FLRT1: variants seen among roughly 807,000 people sequenced by gnomAD.
FLRT1 encodes fibronectin leucine rich transmembrane protein 1, also known as leucine-rich repeat transmembrane protein FLRT1.
In FLRT1, 14 loss-of-function variants were observed where a neutral mutation model predicts 30.9. The observed-to-expected ratio is 0.45, with a 90% CI of 0.30 to 0.71. The LOEUF (loss-of-function observed/expected upper bound fraction) is 0.71. Ranked by LOEUF, FLRT1 falls within the 30% of genes least tolerant of loss-of-function variation. FLRT1 has a pLI of 0.08. For missense variants in FLRT1, 737 were observed against 949.2 expected (o/e 0.78, Z 2.94); for synonymous variants, 368 against 430.4 (o/e 0.85, Z 1.80).
chr11:64,065,281 G>C (rs1943976270), intron 1 of FLRT1, among the ~76,000 whole-genome samples: 1 of 152,168 alleles, frequency 6.6e-6, no homozygotes, highest in Admixed American at 6.5e-5. Context: ...GCAGGATCGG[G>C]CAGGTGGCGG....
intron 2 of FLRT1, among the ~76,000 whole-genome samples, chr11:64,108,340 C>G (rs1337162803): frequency 6.6e-6 from 1 of 151,936 alleles, no homozygotes; most frequent in South Asian, 2.1e-4. Context: ...GACTTGAGAC[C>G]CAGGGCCACC....
At chr11:64,074,743 G>A (rs1357710986) in intron 1 of FLRT1, among the ~76,000 whole-genome samples, 2 of 152,162 alleles carry the variant, frequency 1.3e-5, no homozygotes, top group Non-Finnish European at 2.9e-5. Context: ...AGAGGCCCAG[G>A]GGTGACCAGG....
intron 1 of FLRT1, among the ~76,000 whole-genome samples, chr11:64,068,261 T>C (rs1429047395): frequency 1.3e-5 from 2 of 152,208 alleles, no homozygotes; most frequent in Admixed American, 1.3e-4. Context: ...GTCCCAGGCA[T>C]TGGGGAGCTG....
chr11:64,104,811 A>G (rs1319324573), intron 2 of FLRT1, among the ~76,000 whole-genome samples: 1 of 152,154 alleles, frequency 6.6e-6, no homozygotes, highest in Non-Finnish European at 1.5e-5. Context: ...AGAGTGCCCC[A>G]AGGGTCACAC....
rs1461312425 is a variant in FLRT1, at chr11:64,082,102, T to G, written c.-1037-21092T>G. On this transcript the variant is annotated intron_variant, in intron 1 of 2. Coordinates refer to ENST00000682287, the MANE Select transcript of FLRT1 (RefSeq NM_013280.5). This position sits in a 1 kb window ranked among gnomAD's most constrained non-coding sequence, Gnocchi z 4.5. ...GGGCCGTGGCGAGAACAGATGGGGCTGTGCCCATCTCCCCAGGCCCTCCTG... is the reference window on the plus strand; with the variant it reads ...GGGCCGTGGCGAGAACAGATGGGGCGGTGCCCATCTCCCCAGGCCCTCCTG... 6.6e-6 allele frequency: 1 copy of G among 152,080 alleles called. No individual in the cohort carries two copies. The highest frequency in any genetic ancestry group is 1.5e-5 in the Non-Finnish European group (1 of 68,050). The allele number at this position is 152,080 out of a possible 1,614,324, so 9.4% of individuals were successfully genotyped here.
rs773354612 is a variant in FLRT1, at chr11:64,117,695, C to T, written c.1428C>T (p.Ala476=). Residue 476 remains alanine (A), a synonymous_variant, in exon 3 of 3, where the codon GCC becomes GCT. Transcript: ENST00000682287. ...LSWLRLGHSP[A]VGSITETLVQ... ...GGCTGCGCCTGGGCCACAGCCCAGC[C>T]GTGGGCTCCATCACGGAGACCTTGG... 1.2e-5 allele frequency: 20 copies of T among 1,613,598 alleles called. No homozygotes were observed. Among genetic ancestry groups the T allele is most frequent in the South Asian group, 4.4e-5 (4 of 91,042 alleles).
At chr11:64,054,075 A>T (rs1165154604) in intron 1 of FLRT1, among the ~76,000 whole-genome samples, 1 of 151,976 alleles carries the variant, frequency 6.6e-6, no homozygotes, top group African/African-American at 2.4e-5. Context: ...TGTCACCTCC[A>T]CCTGCGAATG....
chr11:64,061,547 C>G (rs1188845971), intron 1 of FLRT1, among the ~76,000 whole-genome samples: 1 of 152,232 alleles, frequency 6.6e-6, no homozygotes, highest in African/African-American at 2.4e-5. Flanking sequence ...GTTCACCATT[C>G]AGGGTTCTGA....
intron 1 of FLRT1, among the ~76,000 whole-genome samples, chr11:64,045,087 A>G (rs1198607987): frequency 6.6e-6 from 1 of 152,018 alleles, no homozygotes; most frequent in African/African-American, 2.4e-5. Context: ...GCTGAGGGGG[A>G]GCAGTCCGGG....
intron 1 of FLRT1, among the ~76,000 whole-genome samples, chr11:64,085,610 G>A (rs140121280): frequency 7.9e-5 from 12 of 152,332 alleles, no homozygotes; most frequent in Non-Finnish European, 1.6e-4. Context: ...CCAGCACAGC[G>A]ACAGCCTTGT....
chr11:64,072,263 A>G lies in FLRT1; in HGVS notation c.-1037-30931A>G, dbSNP rs1007299104. ...CTGCACCCAACCCACAGATGGGTAC[A>G]GGGGTGATGCCGGCCCTGGAGAGCC... On this transcript the variant is annotated intron_variant, in intron 1 of 2. Coordinates refer to ENST00000682287, the MANE Select transcript of FLRT1 (RefSeq NM_013280.5). Among the ~76,000 whole-genome samples, 5 of 152,122 alleles carry G rather than the reference A, an allele frequency of 3.3e-5. No individual in the cohort carries two copies. In the South Asian group the frequency reaches 1.0e-3, roughly 32 times the overall value.
At chr11:64,052,751 G>A (rs1938436026) in intron 1 of FLRT1, among the ~76,000 whole-genome samples, 5 of 152,238 alleles carry the variant, frequency 3.3e-5, no homozygotes. Flanking sequence ...GGGTGGAGTT[G>A]TGATGTAAAC....
chr11:64,100,938 T>C (rs1347337471), intron 1 of FLRT1, among the ~76,000 whole-genome samples: 4 of 152,100 alleles, frequency 2.6e-5, no homozygotes, highest in African/African-American at 7.2e-5. Flanking sequence ...CTTAGTGCCT[T>C]GGTTTTCTAA....
At chr11:64,069,358 T>C (rs1270462490) in intron 1 of FLRT1, among the ~76,000 whole-genome samples, 1 of 152,116 alleles carries the variant, frequency 6.6e-6, no homozygotes, top group Admixed American at 6.5e-5. Context: ...TGCCAGAGGA[T>C]GGGGGTCTCT....
Position 64,116,282 on chromosome 11 carries a change from C to T in FLRT1, c.15C>T (p.His5=). 1 of 1,598,196 alleles carries T rather than the reference C, an allele frequency of 6.3e-7. No individual in the cohort carries two copies. The change falls in exon 3 of 3, where the codon CAC becomes CAT. Residue 5 remains histidine, a synonymous_variant. Coordinates refer to ENST00000682287, the MANE Select transcript of FLRT1 (RefSeq NM_013280.5). The part of the protein sequence containing the change: MVVA[H]PTATATTTPT... Reference sequence around the variant, plus strand: ...AGCCATCCACCATGGTGGTGGCACACCCCACCGCCACTGCCACCACCACGC... The same window carrying T: ...AGCCATCCACCATGGTGGTGGCACATCCCACCGCCACTGCCACCACCACGC...
chr11:64,058,845 G>A (rs2000515), intron 1 of FLRT1, among the ~76,000 whole-genome samples: 3 of 152,148 alleles, frequency 2.0e-5, no homozygotes, highest in Admixed American at 6.5e-5. Flanking sequence ...CCGGCAAGGG[G>A]GGGTAGGACC....
chr11:64,086,684 G>C (rs141117055), intron 1 of FLRT1, among the ~76,000 whole-genome samples: 3 of 152,166 alleles, frequency 2.0e-5, no homozygotes, highest in African/African-American at 7.2e-5. Flanking sequence ...CATGTGTTCA[G>C]GGAAGACAGA....
rs1247044622 is a variant in FLRT1, at chr11:64,116,437, T to C, written c.170T>C (p.Val57Ala). Residue 57 changes from valine to alanine, a missense_variant, in exon 3 of 3, where the codon GTG becomes GCG. By Grantham distance (64) the Val-to-Ala change is moderately conservative (BLOSUM62 0). Coordinates refer to ENST00000682287, the MANE Select transcript of FLRT1 (RefSeq NM_013280.5). ...ATCGACAGCACCACCTGCCCCTCGG[T>C]GTGCCGCTGCGACAACGGCTTCATC... ...EVIDSTTCPS[V>A]CRCDNGFIYC... is the part of the protein sequence containing the mutation. The C allele has an allele frequency of 6.2e-7, 1 of 1,614,010 alleles. No homozygotes were observed. The highest frequency in any genetic ancestry group is 2.2e-5 in the East Asian group (1 of 44,880).
intron 1 of FLRT1, among the ~76,000 whole-genome samples, chr11:64,044,315 A>C (rs1349818395): frequency 6.7e-6 from 1 of 148,850 alleles, no homozygotes; most frequent in Admixed American, 6.8e-5. Context: ...GCAGTGGTGC[A>C]ATCATAGCTC....
Sources: allele counts gnomAD v4.1 joint callset (sites outside exome capture counted in the v4.1 genomes callset), GRCh38; gene constraint gnomAD v4.1.1; non-coding constraint Gnocchi (gnomAD v3.1); transcripts MANE v1.5; gene names NCBI Gene and HGNC (gene_info 2026-07-23, HGNC 2026-07-21).